The following COG5 variants were observed in gnomAD, a reference collection of about 807,000 sequenced individuals.
The protein encoded by COG5 is conserved oligomeric Golgi complex subunit 5.
In COG5, 86 loss-of-function variants were observed where a neutral mutation model predicts 110.4. The observed-to-expected ratio is 0.78, with a 90% CI of 0.65 to 0.93. The LOEUF is 0.93. COG5 is among the 40% of genes least tolerant of loss of function. The pLI, the probability that COG5 is intolerant of heterozygous loss-of-function variation, is 0.00. For missense variants in COG5, 1,077 were observed against 987.0 expected (o/e 1.09, Z -1.22); for synonymous variants, 360 against 334.6 (o/e 1.08, Z -0.83).
chr7:107,485,489 T>C (rs1797604929), intron 6 of COG5, among the ~76,000 whole-genome samples: 1 of 152,224 alleles, frequency 6.6e-6, no homozygotes, highest in African/African-American at 2.4e-5. Flanking sequence ...TTAACACATA[T>C]GCTTACCAAT....
At chr7:107,540,475 G>T (rs1438531999) in intron 5 of COG5, among the ~76,000 whole-genome samples, 1 of 151,578 alleles carries the variant, frequency 6.6e-6, no homozygotes, top group African/African-American at 2.4e-5. Flanking sequence ...CTACTTGGGA[G>T]GCTGGGGCAG....
intron 14 of COG5, among the ~76,000 whole-genome samples, chr7:107,271,270 T>G (rs560934266): frequency 6.6e-6 from 1 of 152,296 alleles, no homozygotes; most frequent in African/African-American, 2.4e-5. Flanking sequence ...TTGGTTATTC[T>G]TGACACTTCT....
At chr7:107,393,161 T>C (rs935242091) in intron 7 of COG5, among the ~76,000 whole-genome samples, 21 of 152,318 alleles carry the variant, frequency 1.4e-4, no homozygotes, top group Non-Finnish European at 2.8e-4. Context: ...ATAAGAAATA[T>C]TGACAAATAC....
intron 6 of COG5, among the ~76,000 whole-genome samples, chr7:107,428,922 T>C (rs1421701295): frequency 6.6e-6 from 1 of 152,180 alleles, no homozygotes; most frequent in Non-Finnish European, 1.5e-5. Flanking sequence ...TGAATGAATA[T>C]GCTTATAAAG....
chr7:107,412,577 T>C lies in COG5; in HGVS notation c.594A>G (p.Leu198=). 1 of 1,602,976 alleles carries C rather than the reference T, an allele frequency of 6.2e-7. No individual in the cohort carries two copies. The highest frequency in any genetic ancestry group is 8.5e-7 in the Non-Finnish European group (1 of 1,170,530). The change falls in exon 7 of 22, where the codon CTA becomes CTG. Residue 198 remains leucine, a synonymous_variant. Transcript: ENST00000297135. ...CAAGTCGGGCTCTTGCAATAAAAAG[T>C]AGATCATTTTCTATCACTTCTATTC... is the stretch of plus-strand genomic sequence containing the variant. ...LSGIEVIEND[L]LFIARARLEV... is the part of the protein sequence containing the mutation.
At chr7:107,554,949 C>T (rs2129177379) in intron 2 of COG5, among the ~76,000 whole-genome samples, 1 of 152,046 alleles carries the variant, frequency 6.6e-6, no homozygotes, top group East Asian at 1.9e-4. Context: ...GGAGTTGTGC[C>T]AAAAAATGTA....
intron 14 of COG5, among the ~76,000 whole-genome samples, chr7:107,262,574 T>C (rs891424610): frequency 6.6e-6 from 1 of 152,144 alleles, no homozygotes; most frequent in African/African-American, 2.4e-5. Flanking sequence ...TTCTCACTGG[T>C]TGGACTTTAA....
intron 6 of COG5, chr7:107,470,021 ATC>A (rs1796539801): frequency 6.6e-6 from 1 of 152,154 alleles, no homozygotes. Flanking sequence ...AATACACTGC[ATC>A]TCTCTGCAGT....
At position 107,412,505 on chromosome 7, in the gene COG5, A is replaced by G; in HGVS notation, c.666T>C (p.Thr222=). ...AKRLLEQGLE[T]QNPTQVGTAL... is the part of the protein sequence containing the mutation. ...AAAACAGTCTTATTTTTATTACCTG[A>G]GTCTCCAAACCCTGCTCTAGTAGGC... The change falls in exon 7 of 22, where the codon ACT becomes ACC. Residue 222 remains threonine, a synonymous_variant. Coordinates refer to ENST00000297135, the MANE Select transcript of COG5 (RefSeq NM_006348.5). The G allele has an allele frequency of 6.2e-7, 1 of 1,612,664 alleles. No individual in the cohort carries two copies. The highest frequency in any genetic ancestry group is 8.5e-7 in the Non-Finnish European group (1 of 1,179,520).
At chr7:107,445,408 C>G (rs553232419) in intron 6 of COG5, among the ~76,000 whole-genome samples, 1 of 152,238 alleles carries the variant, frequency 6.6e-6, no homozygotes, top group Non-Finnish European at 1.5e-5. Context: ...TTGCATACCA[C>G]CCATAAAATA....
chr7:107,521,328 A>G (rs1159096645), intron 6 of COG5, among the ~76,000 whole-genome samples: 1 of 152,214 alleles, frequency 6.6e-6, no homozygotes, highest in Admixed American at 6.5e-5. Flanking sequence ...TCTGCACAGC[A>G]AAAGAAACTA....
chr7:107,233,983 G>A (rs1800964615), intron 18 of COG5, among the ~76,000 whole-genome samples: 1 of 152,156 alleles, frequency 6.6e-6, no homozygotes, highest in Non-Finnish European at 1.5e-5. Flanking sequence ...GGGAGACCAT[G>A]ACATAACAGT....
At chr7:107,372,903 A>C in intron 7 of COG5, 143 bp from the exon 8 acceptor site, 2 of 740,156 alleles carry the variant, frequency 2.7e-6, no homozygotes, top group South Asian at 4.0e-5. Flanking sequence ...AAAGACAAGA[A>C]AAAACACATT....
rs773761601 is a variant in COG5 at position 107,298,205 on chromosome 7, A to C, written c.1250T>G (p.Val417Gly). ...ATCATCTTCCATGTGTTGTAGGTCA[A>C]CATAGAGGTCTGTAGTTCCACTTGC... ...FNASGTTDLY[V>G]DLQHMEDDAQ... Residue 417 changes from valine to glycine, a missense_variant, in exon 12 of 22, where the codon GTT (valine) becomes GGT (glycine). Coordinates refer to ENST00000297135, the MANE Select transcript of COG5 (RefSeq NM_006348.5). The C allele has an allele frequency of 1.9e-6, 3 of 1,613,726 alleles. No homozygotes were observed. The highest frequency in any genetic ancestry group is 2.5e-6 in the Non-Finnish European group (3 of 1,179,842).
At chr7:107,208,063 A>G (rs928586601) in intron 21 of COG5, 6 of 985,462 alleles carry the variant, frequency 6.1e-6, no homozygotes, top group Non-Finnish European at 6.0e-6. Flanking sequence ...ATGCTTCAGT[A>G]TGCAAGAACA....
intron 11 of COG5, among the ~76,000 whole-genome samples, chr7:107,300,023 C>G (rs982604233): frequency 1.3e-5 from 2 of 151,252 alleles, no homozygotes; most frequent in African/African-American, 4.8e-5. Flanking sequence ...ACCTGGTCAG[C>G]TTAATGTCTG....
At chr7:107,486,528 C>T (rs1797667473) in intron 6 of COG5, among the ~76,000 whole-genome samples, 2 of 151,762 alleles carry the variant, frequency 1.3e-5, no homozygotes, top group Non-Finnish European at 2.9e-5. Flanking sequence ...AAAAAAAATG[C>T]CAGTGGAAAA....
chr7:107,462,788 G>GA (rs1215014026), intron 6 of COG5, among the ~76,000 whole-genome samples: 2 of 152,116 alleles, frequency 1.3e-5, no homozygotes, highest in African/African-American at 4.8e-5. Context: ...AATCCAGGTA[G>GA]AAATGATGGC....
intron 14 of COG5, among the ~76,000 whole-genome samples, chr7:107,277,643 T>C (rs766488492): frequency 1.3e-5 from 2 of 152,174 alleles, no homozygotes; most frequent in East Asian, 1.9e-4. Flanking sequence ...TTTCATAGGA[T>C]TGTTGTGAAA....
Sources: gnomAD v4.1 joint callset for allele counts (sites outside exome capture counted in the v4.1 genomes callset) on GRCh38, gnomAD v4.1.1 for gene constraint, MANE v1.5 for transcripts, NCBI Gene and HGNC (gene_info 2026-07-23, HGNC 2026-07-21) for gene names.